The following ADGRL3 variants were observed in gnomAD, a reference collection of about 807,000 sequenced individuals.
The protein encoded by ADGRL3 is calcium-independent alpha-latrotoxin receptor 3.
ADGRL3 carries 62 observed loss-of-function variants against 153.5 expected under a neutral mutation model. That is an observed-to-expected ratio of 0.40 (90% CI 0.33 to 0.50). The LOEUF (loss-of-function observed/expected upper bound fraction) is 0.50. Ranked by LOEUF, ADGRL3 falls within the 20% of genes least tolerant of loss-of-function variation. ADGRL3 has a pLI of 0.47. For missense variants in ADGRL3, 1,641 were observed against 1,859.4 expected (o/e 0.88, Z 2.16); for synonymous variants, 710 against 672.5 (o/e 1.06, Z -0.86).
chr4:61,445,029 G>T (rs1429741429), intron 2 of ADGRL3, among the ~76,000 whole-genome samples: 1 of 145,296 alleles, frequency 6.9e-6, no homozygotes, highest in African/African-American at 2.5e-5. Context: ...TCCAGGCTGG[G>T]TGAAAGAGTG....
intron 9 of ADGRL3, among the ~76,000 whole-genome samples, chr4:61,889,700 C>T (rs2011468): frequency 0.77 from 116,862 of 152,080 alleles, 45,207 homozygotes; most frequent in East Asian, 0.99. Flanking sequence ...AAATAGAGGA[C>T]AAAGATATAT....
At position 61,732,739 on chromosome 4, in the gene ADGRL3, TTTCCC is replaced by T; in HGVS notation, c.599-10_599-6del. ...TTAATATATTTATTTATTTTAACTG[TTTCCC>T]TTCCAACAGTTTTTCTTTGTCCTGG... On this transcript the variant is annotated splice_polypyrimidine_tract_variant and intron_variant, in intron 7 of 26. Coordinates refer to ENST00000683033, the MANE Select transcript of ADGRL3 (RefSeq NM_001387552.1). The T allele has an allele frequency of 7.1e-7, 1 of 1,412,590 alleles. No homozygotes were observed. The highest frequency in any genetic ancestry group is 9.4e-7 in the Non-Finnish European group (1 of 1,058,248). 87.5% of individuals were successfully genotyped at this position (1,412,590 alleles called of 1,614,324 possible). A position where few individuals can be genotyped will look rare whatever the true frequency, so the allele number is the denominator to read the frequency against.
intron 5 of ADGRL3, among the ~76,000 whole-genome samples, chr4:61,658,602 T>A (rs1263283770): frequency 6.6e-6 from 1 of 152,166 alleles, no homozygotes; most frequent in Non-Finnish European, 1.5e-5. Flanking sequence ...TTATATACAA[T>A]CTCTGTATTT....
chr4:61,498,699 C>T (rs1291884601), intron 3 of ADGRL3, among the ~76,000 whole-genome samples: 3 of 151,998 alleles, frequency 2.0e-5, no homozygotes, highest in African/African-American at 4.8e-5. Context: ...GTATTTATAG[C>T]AGAAATATGA....
In ADGRL3 at chr4:61,936,039, C is replaced by T. The variant is rs2098836819; in HGVS notation, c.2413C>T (p.Arg805Ter). The stretch of plus-strand genomic sequence containing the variant: ...TGCAAATACCTTAAAGCAAAATGGC[C>T]GAAATGGTAGGTTAGAGTTTATTTT... ...LSANTLKQNG[R>*]NGEIRVAFVL... Residue 805 changes from arginine to a stop codon, truncating the protein, a stop_gained, in exon 15 of 27, where the codon CGA becomes TGA. Coordinates refer to ENST00000683033, the MANE Select transcript of ADGRL3 (RefSeq NM_001387552.1). LOFTEE classifies it high-confidence loss of function. The T allele has an allele frequency of 6.2e-7, 1 of 1,610,600 alleles. No individual in the cohort carries two copies. The highest frequency in any genetic ancestry group is 8.5e-7 in the Non-Finnish European group (1 of 1,178,444).
intron 1 of ADGRL3, among the ~76,000 whole-genome samples, chr4:61,258,001 TC>T (rs1477696140): frequency 6.6e-6 from 1 of 152,136 alleles, no homozygotes; most frequent in Non-Finnish European, 1.5e-5. Context: ...AGGTTAGGAA[TC>T]CCCAAGGTCT....
intron 1 of ADGRL3, among the ~76,000 whole-genome samples, chr4:61,221,923 A>G (rs1176681703): frequency 6.6e-6 from 1 of 152,132 alleles, no homozygotes; most frequent in African/African-American, 2.4e-5. Flanking sequence ...AGGAGATATA[A>G]TAACATTCTT....
chr4:61,644,193 A>C (rs1305580321), intron 5 of ADGRL3, among the ~76,000 whole-genome samples: 1 of 145,106 alleles, frequency 6.9e-6, no homozygotes. Context: ...TTTCTTTATT[A>C]GTCTTGCTAG....
intron 6 of ADGRL3, among the ~76,000 whole-genome samples, chr4:61,717,332 C>T (rs1436452771): frequency 1.3e-5 from 2 of 151,848 alleles, no homozygotes; most frequent in South Asian, 2.1e-4. Flanking sequence ...TGAAATAGGG[C>T]ATCGGAATTG....
At chr4:61,804,575 T>C (rs115416856) in intron 8 of ADGRL3, among the ~76,000 whole-genome samples, 1 of 152,150 alleles carries the variant, frequency 6.6e-6, no homozygotes, top group African/African-American at 2.4e-5. Context: ...ACTGGAGATA[T>C]TAAAAATTTT....
chr4:61,645,233 T>C (rs1038415718), intron 5 of ADGRL3, among the ~76,000 whole-genome samples: 1 of 152,214 alleles, frequency 6.6e-6, no homozygotes, highest in Non-Finnish European at 1.5e-5. Flanking sequence ...TCTTGGCTCT[T>C]TATCCAATTT....
intron 22 of ADGRL3, among the ~76,000 whole-genome samples, chr4:62,031,004 A>T (rs1339985249): frequency 6.6e-6 from 1 of 151,606 alleles, no homozygotes; most frequent in African/African-American, 2.4e-5. Context: ...TTGTGGAAAA[A>T]GAGGACATTT....
Position 61,513,138 on chromosome 4 carries a change from A to C in ADGRL3, c.56-4177A>C, listed in dbSNP as rs1180474375. Among the ~76,000 whole-genome samples, 3 of 152,252 alleles carry C rather than the reference A, an allele frequency of 2.0e-5. No homozygotes were observed. The East Asian group carries it at 5.8e-4, about 29-fold the overall frequency. On this transcript the variant is annotated intron_variant, in intron 3 of 26. Transcript: ENST00000683033. The stretch of plus-strand genomic sequence containing the variant: ...ATTGTTTTGTTTAGAGTCCCAGCTC[A>C]CTGTTATGATTAATAGCTATTTGGG...
intron 2 of ADGRL3, among the ~76,000 whole-genome samples, chr4:61,433,365 T>TTTTA (rs398072173): frequency 9.9e-5 from 15 of 151,196 alleles, no homozygotes; most frequent in African/African-American, 3.2e-4. Flanking sequence ...GCTTTTTTTT[T>TTTTA]AAAAAAAAAT....
chr4:61,571,401 T>C (rs1463061302), intron 4 of ADGRL3, among the ~76,000 whole-genome samples: 1 of 152,046 alleles, frequency 6.6e-6, no homozygotes, highest in Admixed American at 6.6e-5. Flanking sequence ...TAGTCCCAGC[T>C]ACTCAGGAGG....
chr4:61,912,258 T>C (rs540798513), intron 12 of ADGRL3, among the ~76,000 whole-genome samples: 19 of 152,184 alleles, frequency 1.2e-4, no homozygotes, highest in Admixed American at 2.6e-4. Context: ...GAAGAACATA[T>C]GATTTGTGGT....
At chr4:61,817,138 C>G (rs1352234644) in intron 9 of ADGRL3, among the ~76,000 whole-genome samples, 2 of 144,618 alleles carry the variant, frequency 1.4e-5, no homozygotes, top group Non-Finnish European at 3.0e-5. Flanking sequence ...TAGCTTGGCA[C>G]AGGTCTGCAG....
intron 1 of ADGRL3, among the ~76,000 whole-genome samples, chr4:61,232,454 A>G (rs1214104614): frequency 6.6e-6 from 1 of 151,800 alleles, no homozygotes; most frequent in Admixed American, 6.6e-5. Flanking sequence ...GATTACAGGC[A>G]TGCACCACCA....
chr4:61,699,297 A>C (rs2095703679), intron 6 of ADGRL3, among the ~76,000 whole-genome samples: 2 of 152,218 alleles, frequency 1.3e-5, no homozygotes, highest in Non-Finnish European at 1.5e-5. Flanking sequence ...TATCAGATTC[A>C]TTCCAAAAGG....
Sources: gnomAD v4.1 joint callset for allele counts (sites outside exome capture counted in the v4.1 genomes callset) on GRCh38, gnomAD v4.1.1 for gene constraint, MANE v1.5 for transcripts, NCBI Gene and HGNC (gene_info 2026-07-23, HGNC 2026-07-21) for gene names.